AGFG1: variants seen among roughly 807,000 people sequenced by gnomAD.
AGFG1 encodes the protein arf-GAP domain and FG repeat-containing protein 1.
Under a neutral mutation model 60.6 loss-of-function variants are expected in AGFG1, and 10 were observed. That is an observed-to-expected ratio of 0.16 (90% CI 0.10 to 0.28). The LOEUF (loss-of-function observed/expected upper bound fraction) is 0.28, where lower values mean the gene tolerates loss of function less well. Ranked by LOEUF, AGFG1 falls within the 10% of genes least tolerant of loss-of-function variation. The pLI, the probability that AGFG1 is intolerant of heterozygous loss-of-function variation, is 1.00. For missense variants in AGFG1, 537 were observed against 676.5 expected (o/e 0.79, Z 2.29); for synonymous variants, 247 against 242.9 (o/e 1.02, Z -0.16).
chr2:227,501,966 C>G (rs1691170432), intron 2 of AGFG1, among the ~76,000 whole-genome samples: 1 of 152,120 alleles, frequency 6.6e-6, no homozygotes. Context: ...TTAAGCAGTT[C>G]TCCCACCTTA....
intron 3 of AGFG1, among the ~76,000 whole-genome samples, chr2:227,523,117 G>A (rs1691872232): frequency 6.6e-6 from 1 of 152,162 alleles, no homozygotes; most frequent in Non-Finnish European, 1.5e-5. Flanking sequence ...GGCACTTCTG[G>A]TGCACAAAGC....
chr2:227,515,566 G>A (rs1229775967), intron 2 of AGFG1, among the ~76,000 whole-genome samples: 2 of 151,828 alleles, frequency 1.3e-5, no homozygotes, highest in African/African-American at 2.4e-5. Flanking sequence ...AGATTCCATG[G>A]TCTGTTAATA....
chr2:227,493,415 T>G (rs1690877250), intron 2 of AGFG1, among the ~76,000 whole-genome samples: 1 of 152,214 alleles, frequency 6.6e-6, no homozygotes, highest in Non-Finnish European at 1.5e-5. Context: ...ACAATATTTG[T>G]ACTTCTGTGA....
chr2:227,495,261 G>A (rs557456366), intron 2 of AGFG1, among the ~76,000 whole-genome samples: 1 of 152,116 alleles, frequency 6.6e-6, no homozygotes, highest in Admixed American at 6.6e-5. Context: ...AAAAAAACCT[G>A]TAGTGATCTT....
At chr2:227,522,568 C>T (rs913480364) in intron 3 of AGFG1, among the ~76,000 whole-genome samples, 3 of 152,158 alleles carry the variant, frequency 2.0e-5, no homozygotes, top group Non-Finnish European at 4.4e-5. Flanking sequence ...TCTGCCTCTC[C>T]ATTTTATAAA....
intron 6 of AGFG1, 44 bp downstream of exon 6, chr2:227,531,254 A>G: frequency 6.3e-7 from 1 of 1,584,100 alleles, no homozygotes; most frequent in Middle Eastern, 1.7e-4. Flanking sequence ...ACTTTACAAA[A>G]CAAAACTCTC....
chr2:227,529,000 T>G (rs562383794), intron 5 of AGFG1, among the ~76,000 whole-genome samples: 1 of 152,194 alleles, frequency 6.6e-6, no homozygotes, highest in Admixed American at 6.5e-5. Context: ...TGAGAGGAGT[T>G]GTTTTTTAGT....
rs541772728 is a variant in AGFG1, at chr2:227,554,525, T to A, written c.*30T>A. On this transcript the variant is annotated 3_prime_UTR_variant, in exon 13 of 13. Coordinates refer to ENST00000310078, the MANE Select transcript of AGFG1 (RefSeq NM_004504.5). ...ATATAGACAATTTACTGGAACGAACTTTTATGTGGTCACATTACATCTCTC... is the reference window on the plus strand; with the variant it reads ...ATATAGACAATTTACTGGAACGAACATTTATGTGGTCACATTACATCTCTC... 6.4e-7 allele frequency: 1 copy of A among 1,564,122 alleles called. No individual in the cohort carries two copies. The highest frequency in any genetic ancestry group is 1.1e-5 in the South Asian group (1 of 88,866).
intron 12 of AGFG1, 73 bp from the exon 13 acceptor site, chr2:227,554,363 A>T: frequency 8.0e-7 from 1 of 1,242,842 alleles, no homozygotes; most frequent in Non-Finnish European, 1.1e-6. Context: ...AATTAAATTC[A>T]GTTTAATGTT....
At chr2:227,478,133 C>T (rs960149856) in intron 1 of AGFG1, among the ~76,000 whole-genome samples, 22 of 94,110 alleles carry the variant, frequency 2.3e-4, no homozygotes, top group Non-Finnish European at 4.5e-4. Context: ...CCGTAATTCT[C>T]GTGCTATTTT....
chr2:227,517,550 G>A (rs143123856), intron 2 of AGFG1, among the ~76,000 whole-genome samples: 10 of 152,176 alleles, frequency 6.6e-5, no homozygotes, highest in Admixed American at 6.5e-5. Flanking sequence ...GATTACAGGC[G>A]TGAGCCACCA....
chr2:227,518,989 A>G (rs1691742011), intron 2 of AGFG1, among the ~76,000 whole-genome samples: 1 of 152,236 alleles, frequency 6.6e-6, no homozygotes, highest in East Asian at 2.0e-4. Context: ...CCTGGGCAAC[A>G]TGGTGAAACA....
At chr2:227,495,406 C>T (rs191943948) in intron 2 of AGFG1, among the ~76,000 whole-genome samples, 62 of 151,940 alleles carry the variant, frequency 4.1e-4, no homozygotes, top group Admixed American at 4.0e-3. Flanking sequence ...ATTAGCCAGG[C>T]GTGGTGGTAC....
chr2:227,556,236 T>G lies in AGFG1; in HGVS notation c.*1741T>G, dbSNP rs1692967243. The stretch of plus-strand genomic sequence containing the variant: ...CCTCAAACATTTTATTCATGTTGAA[T>G]GCCTTTTTGCAATGATGACTGAGTT... On this transcript the variant is annotated 3_prime_UTR_variant, in exon 13 of 13. Transcript: ENST00000310078. The G allele has an allele frequency of 6.6e-6, 1 of 152,270 alleles. No homozygotes were observed. The highest frequency in any genetic ancestry group is 2.4e-5 in the African/African-American group (1 of 41,476). The allele number at this position is 152,270 out of a possible 1,614,324, so 9.4% of individuals were successfully genotyped here. A position where few individuals can be genotyped will look rare whatever the true frequency, so the allele number is the denominator to read the frequency against.
intron 6 of AGFG1, chr2:227,532,227 G>T: frequency 4.6e-6 from 7 of 1,531,866 alleles, no homozygotes; most frequent in Middle Eastern, 3.4e-4. Flanking sequence ...CTGTTGTCAA[G>T]TAGGCATCTT....
rs186444835 is a variant in AGFG1 at position 227,549,027 on chromosome 2, T to C, written c.1379-2932T>C. On this transcript the variant is annotated intron_variant, in intron 10 of 12. Transcript: ENST00000310078. ...TCAGTTAACCTTTTTTTTTTTGTAT[T>C]TGGAACACAGTGACACTTTTTTAAG... Among the ~76,000 whole-genome samples, 17 of 152,270 alleles carry C rather than the reference T, an allele frequency of 1.1e-4. No individual in the cohort carries two copies. The East Asian group carries it at 3.1e-3, about 28-fold the overall frequency.
In AGFG1 at chr2:227,556,203, A is replaced by G. The variant is rs1018752185; in HGVS notation, c.*1708A>G. On this transcript the variant is annotated 3_prime_UTR_variant, in exon 13 of 13. Transcript: ENST00000310078. ...AGCTTTGGTATTAAAAGAGGTAAAC[A>G]TCAGTTTCCTCAAACATTTTATTCA... 2 of 152,254 alleles carry G rather than the reference A, an allele frequency of 1.3e-5. No homozygotes were observed. The highest frequency in any genetic ancestry group is 2.9e-5 in the Non-Finnish European group (2 of 68,044). The allele number at this position is 152,254 out of a possible 1,614,324, so 9.4% of individuals were successfully genotyped here.
At chr2:227,473,523 G>A (rs2086275359) in intron 1 of AGFG1, among the ~76,000 whole-genome samples, 1 of 152,180 alleles carries the variant, frequency 6.6e-6, no homozygotes, top group South Asian at 2.1e-4. Context: ...TTACTGGGAT[G>A]ATTTGTGTTT....
chr2:227,521,842 C>G (rs1333165503), intron 3 of AGFG1, among the ~76,000 whole-genome samples: 1 of 152,128 alleles, frequency 6.6e-6, no homozygotes, highest in Non-Finnish European at 1.5e-5. Flanking sequence ...CTAGAAACCT[C>G]AAATAATTAC....
Sources: gnomAD v4.1 joint callset for allele counts (sites outside exome capture counted in the v4.1 genomes callset) on GRCh38, gnomAD v4.1.1 for gene constraint, MANE v1.5 for transcripts, NCBI Gene and HGNC (gene_info 2026-07-23, HGNC 2026-07-21) for gene names.